SOBP: variants seen among roughly 807,000 people sequenced by gnomAD.
SOBP encodes sine oculis-binding protein homolog.
SOBP carries 4 observed loss-of-function variants against 53.6 expected under a neutral mutation model. The observed-to-expected ratio is 0.07, with a 90% CI of 0.04 to 0.17. The LOEUF (loss-of-function observed/expected upper bound fraction) is 0.17, where lower values mean the gene tolerates loss of function less well. Among genes scored for constraint, SOBP ranks in the 10% least tolerant of loss-of-function variants. The pLI, the probability that SOBP is intolerant of heterozygous loss-of-function variation, is 1.00. For synonymous variants in SOBP, 584 were observed against 522.6 expected, an observed-to-expected ratio of 1.12 and a Z score of -1.60; for missense variants, 1,088 against 1,204.7, an observed-to-expected ratio of 0.90 and a Z score of 1.43.
At chr6:107,620,085 C>T (rs1786948875) in intron 5 of SOBP, among the ~76,000 whole-genome samples, 1 of 152,226 alleles carries the variant, frequency 6.6e-6, no homozygotes, top group Non-Finnish European at 1.5e-5. Context: ...CATTGCCACT[C>T]ATCCCTGTGG....
intron 4 of SOBP, among the ~76,000 whole-genome samples, chr6:107,566,394 G>A (rs1583218417): frequency 6.6e-6 from 1 of 152,220 alleles, no homozygotes; most frequent in East Asian, 1.9e-4. Flanking sequence ...TCCCCAAGGG[G>A]GAGAAAGAAA....
At chr6:107,623,455 AG>A (rs1770308710) in intron 5 of SOBP, among the ~76,000 whole-genome samples, 1 of 152,172 alleles carries the variant, frequency 6.6e-6, no homozygotes, top group Non-Finnish European at 1.5e-5. Context: ...CTCCGTAAAG[AG>A]AATGTTCTCT....
At chr6:107,492,523 G>T (rs1404308813) in intron 1 of SOBP, among the ~76,000 whole-genome samples, 1 of 152,148 alleles carries the variant, frequency 6.6e-6, no homozygotes, top group Non-Finnish European at 1.5e-5. Flanking sequence ...CTTGGGGCTC[G>T]CGTTGTTGAT....
At chr6:107,508,651 A>G (rs1783068589) in intron 3 of SOBP, among the ~76,000 whole-genome samples, 1 of 152,222 alleles carries the variant, frequency 6.6e-6, no homozygotes, top group South Asian at 2.1e-4. Flanking sequence ...ACCTGTCAAA[A>G]TCACTTGTAA....
intron 4 of SOBP, among the ~76,000 whole-genome samples, chr6:107,534,516 C>A (rs775263775): frequency 6.6e-6 from 1 of 152,022 alleles, no homozygotes; most frequent in Non-Finnish European, 1.5e-5. Context: ...ATACAAGATC[C>A]AAATCTGTTC....
intron 4 of SOBP, 137 bp from the exon 5 acceptor site, chr6:107,586,943 C>T (rs771650863): frequency 1.3e-6 from 1 of 752,620 alleles, no homozygotes. Flanking sequence ...AGGCGTACTG[C>T]GTATTTAAAC....
intron 6 of SOBP, among the ~76,000 whole-genome samples, chr6:107,649,136 A>G (rs534747568): frequency 4.6e-4 from 65 of 141,972 alleles, no homozygotes; most frequent in African/African-American, 1.6e-3. Context: ...TGGGTGACAG[A>G]GCAAGACCTT....
chr6:107,566,983 A>G (rs1276830403), intron 4 of SOBP, among the ~76,000 whole-genome samples: 3 of 152,242 alleles, frequency 2.0e-5, no homozygotes, highest in Non-Finnish European at 2.9e-5. Context: ...GATACCTGCA[A>G]TGATCTCTCT....
rs2115149039 is a variant in SOBP at position 107,635,017 on chromosome 6, A to G, written c.2173A>G (p.Asn725Asp). 8.3e-7 allele frequency: 1 copy of G among 1,203,034 alleles called. No individual in the cohort carries two copies. The highest frequency in any genetic ancestry group is 3.9e-5 in the South Asian group (1 of 25,414). The allele number at this position is 1,203,034 out of a possible 1,614,324, so 74.5% of individuals were successfully genotyped here. The change falls in exon 6 of 7, where the codon AAC (asparagine) becomes GAC (aspartate). Residue 725 changes from asparagine to aspartate, a missense_variant. Transcript: ENST00000317357. The surrounding 1 kb of genome is among the most constrained non-coding windows in gnomAD (Gnocchi z 4.5). ...GGCCGCGGCCTGCAACGTCATCGTG[A>G]ACGGCACGCGCGGCGCCGCCGCCGA... is the stretch of plus-strand genomic sequence containing the variant. ...EAAAACNVIV[N>D]GTRGAAAEGA...
At chr6:107,579,113 C>A (rs1017935497) in intron 4 of SOBP, among the ~76,000 whole-genome samples, 1 of 152,124 alleles carries the variant, frequency 6.6e-6, no homozygotes, top group Non-Finnish European at 1.5e-5. Context: ...CTCACTGTGT[C>A]CCTGGGTAAT....
At chr6:107,654,371 T>G (rs1440205512) in intron 6 of SOBP, among the ~76,000 whole-genome samples, 1 of 152,144 alleles carries the variant, frequency 6.6e-6, no homozygotes, top group African/African-American at 2.4e-5. Context: ...AAAACCCAAG[T>G]GTGAGGTACA....
At chr6:107,572,391 C>T (rs1785099831) in intron 4 of SOBP, among the ~76,000 whole-genome samples, 1 of 151,704 alleles carries the variant, frequency 6.6e-6, no homozygotes, top group Non-Finnish European at 1.5e-5. Flanking sequence ...GCAGCCTCTG[C>T]CTCCTGGGCT....
Position 107,587,169 on chromosome 6 carries a change from A to G in SOBP, c.663A>G (p.Glu221=). 6.2e-7 allele frequency: 1 copy of G among 1,612,724 alleles called. No homozygotes were observed. Among genetic ancestry groups the G allele is most frequent in the Non-Finnish European group, 8.5e-7 (1 of 1,179,124 alleles). ...GGCTTGCCTTCAAGAATAACTGCGA[A>G]CTACTTGTAAGAATAACATACTTAC... The part of the protein sequence containing the change: ...TPRLAFKNNC[E]LLVCDWCKHI... Residue 221 remains glutamate (E), a synonymous_variant, in exon 5 of 7, where the codon GAA becomes GAG. Coordinates refer to ENST00000317357, the MANE Select transcript of SOBP (RefSeq NM_018013.4).
intron 1 of SOBP, among the ~76,000 whole-genome samples, chr6:107,499,341 A>C (rs1319420370): frequency 6.6e-6 from 1 of 152,222 alleles, no homozygotes; most frequent in Non-Finnish European, 1.5e-5. Context: ...TTATTGTGGA[A>C]ATCAAGTACC....
chr6:107,579,447 A>G (rs1785335695), intron 4 of SOBP, among the ~76,000 whole-genome samples: 1 of 140,734 alleles, frequency 7.1e-6, no homozygotes, highest in South Asian at 2.2e-4. Context: ...AAAAGTAAAA[A>G]CAGGCATTTT....
At chr6:107,506,146 G>T in intron 2 of SOBP, 96 bp from the exon 3 acceptor site, 2 of 1,025,478 alleles carry the variant, frequency 2.0e-6, no homozygotes, top group Non-Finnish European at 1.5e-6. Flanking sequence ...AAATATGTTG[G>T]GTTCATGGCC....
chr6:107,576,316 G>A (rs1310093363), intron 4 of SOBP, among the ~76,000 whole-genome samples: 1 of 152,152 alleles, frequency 6.6e-6, no homozygotes, highest in African/African-American at 2.4e-5. Flanking sequence ...TTCTGTCCTC[G>A]TCCTAGGCTT....
intron 6 of SOBP, among the ~76,000 whole-genome samples, chr6:107,636,827 T>C (rs1771066855): frequency 2.0e-5 from 3 of 152,148 alleles, no homozygotes; most frequent in South Asian, 2.1e-4. Context: ...TGTTTTTCGG[T>C]AGTATTTATT....
intron 5 of SOBP, among the ~76,000 whole-genome samples, chr6:107,592,438 T>C (rs570012861): frequency 2.0e-5 from 3 of 152,302 alleles, no homozygotes; most frequent in African/African-American, 7.2e-5. Flanking sequence ...ACTGCCCTGT[T>C]TCATTTGAAA....
Sources: allele counts gnomAD v4.1 joint callset (sites outside exome capture counted in the v4.1 genomes callset), GRCh38; gene constraint gnomAD v4.1.1; non-coding constraint Gnocchi (gnomAD v3.1); transcripts MANE v1.5; gene names NCBI Gene and HGNC (gene_info 2026-07-23, HGNC 2026-07-21).